Variants in DZIP1L observed in about 807,000 individuals in gnomAD.
The protein encoded by DZIP1L is cilium assembly protein DZIP1L.
A neutral mutation model predicts 88.7 loss-of-function variants in DZIP1L; 90 were observed. That is an observed-to-expected ratio of 1.02 (90% CI 0.86 to 1.21). The LOEUF is 1.21. Ranked by LOEUF, DZIP1L falls within the 50% of genes most tolerant of loss-of-function variation. The pLI is 0.00. For missense variants in DZIP1L, 932 were observed against 955.8 expected, an observed-to-expected ratio of 0.98 and a Z score of 0.33; for synonymous variants, 363 against 372.1, an observed-to-expected ratio of 0.98 and a Z score of 0.28.
chr3:138,093,735 T>C (rs1368533098), intron 4 of DZIP1L, among the ~76,000 whole-genome samples: 1 of 152,224 alleles, frequency 6.6e-6, no homozygotes, highest in East Asian at 1.9e-4. Context: ...TGAACCAATC[T>C]CTTTTAGCTT....
chr3:138,114,260 GC>G (rs2042658518), intron 1 of DZIP1L, among the ~76,000 whole-genome samples: 1 of 152,174 alleles, frequency 6.6e-6, no homozygotes, highest in Non-Finnish European at 1.5e-5. Flanking sequence ...TTTGAGTTGA[GC>G]AAAAAACCTT....
At position 138,088,400 on chromosome 3, in the gene DZIP1L, C is replaced by T; in HGVS notation, c.978G>A (p.Leu326=). 6.2e-7 allele frequency: 1 copy of T among 1,613,136 alleles called. No homozygotes were observed. Among genetic ancestry groups the T allele is most frequent in the Non-Finnish European group, 8.5e-7 (1 of 1,179,580 alleles). ...WLRQARELQA[L]REKTEIQKTE... The stretch of plus-strand genomic sequence containing the variant: ...TCACCTGAATTTCTGTCTTCTCTCT[C>T]AGGGCCTGAAGCTCCCGTGCCTGCC... The change falls in exon 6 of 16, where the codon CTG becomes CTA. Residue 326 remains leucine, a synonymous_variant. Transcript: ENST00000327532.
chr3:138,076,136 G>A (rs1943396820), intron 11 of DZIP1L, among the ~76,000 whole-genome samples: 1 of 152,168 alleles, frequency 6.6e-6, no homozygotes, highest in Admixed American at 6.5e-5. Context: ...GTCCTTAAAT[G>A]AGGAGGGAGC....
At position 138,092,521 on chromosome 3, in the gene DZIP1L, C is replaced by A; in HGVS notation, c.732G>T (p.Arg244Ser). ...QLQEAELIHQ[R>S]EIEAKKEFDK... ...CAAATTCTTTCTTAGCTTCTATTTC[C>A]CTCTGATGAATGAGCTCTGCTTCCT... The change falls in exon 5 of 16, where the codon AGG becomes AGT. Residue 244 changes from arginine to serine, a missense_variant. Arg to Ser is a moderately radical substitution (Grantham distance 110, BLOSUM62 -1). Transcript: ENST00000327532. 6.3e-7 allele frequency: 1 copy of A among 1,593,906 alleles called. No homozygotes were observed. Among genetic ancestry groups the A allele is most frequent in the Non-Finnish European group, 8.5e-7 (1 of 1,173,968 alleles).
In DZIP1L at chr3:138,101,159, A is replaced by G. The variant is rs565801461; in HGVS notation, c.501+2312T>C. On this transcript the variant is annotated intron_variant, in intron 2 of 15. Transcript: ENST00000327532. The stretch of plus-strand genomic sequence containing the variant: ...ATACTCATCCTTACATACACTCTCC[A>G]TAAGTACAAACACACACTCTTACAC... 4.7e-4 allele frequency among the ~76,000 whole-genome samples: 72 copies of G among 151,612 alleles called. 2 individuals are homozygous for G. The South Asian group carries it at 0.015, about 31-fold the overall frequency.
At chr3:138,104,421 C>T (rs2042419251) in intron 1 of DZIP1L, among the ~76,000 whole-genome samples, 1 of 152,268 alleles carries the variant, frequency 6.6e-6, no homozygotes, top group Non-Finnish European at 1.5e-5. Flanking sequence ...ACCTCCACTG[C>T]AGGAATGCCT....
At chr3:138,070,119 T>C (rs749182683) in intron 12 of DZIP1L, among the ~76,000 whole-genome samples, 2 of 152,090 alleles carry the variant, frequency 1.3e-5, no homozygotes, top group Non-Finnish European at 2.9e-5. Flanking sequence ...GTTTTTCCAT[T>C]CATCCTCCCC....
chr3:138,097,022 A>C (rs936381692), intron 3 of DZIP1L, among the ~76,000 whole-genome samples: 2 of 151,988 alleles, frequency 1.3e-5, no homozygotes, highest in African/African-American at 2.4e-5. Context: ...TCTATGAAAA[A>C]TTTTTAAAAT....
chr3:138,101,206 T>TCA (rs1157354138), intron 2 of DZIP1L, among the ~76,000 whole-genome samples: 6 of 147,710 alleles, frequency 4.1e-5, no homozygotes, highest in Non-Finnish European at 5.9e-5. Context: ...CTTCATTCAT[T>TCA]CACACACACA....
At chr3:138,112,165 T>C (rs1049197147) in intron 1 of DZIP1L, among the ~76,000 whole-genome samples, 2 of 152,192 alleles carry the variant, frequency 1.3e-5, no homozygotes, top group Admixed American at 6.5e-5. Flanking sequence ...TAGATGGCTA[T>C]GGTTCGTCTC....
chr3:138,069,604 G>A (rs1943080425), intron 12 of DZIP1L, among the ~76,000 whole-genome samples: 2 of 152,198 alleles, frequency 1.3e-5, no homozygotes, highest in Admixed American at 1.3e-4. Context: ...TCCCATGACT[G>A]TGTACCAGAT....
rs756723997 is a variant in DZIP1L at position 138,088,389 on chromosome 3, G to A, written c.989C>T (p.Thr330Ile). The change falls in exon 6 of 16, where the codon ACA (threonine) becomes ATA (isoleucine). Residue 330 changes from threonine (T) to isoleucine (I), a missense_variant. Thr to Ile is a moderately conservative substitution (Grantham distance 89). Transcript: ENST00000327532. ...ARELQALREK[T>I]EIQKTEWKRK... Reference sequence around the variant, plus strand: ...GGAGCATCAGCTCACCTGAATTTCTGTCTTCTCTCTCAGGGCCTGAAGCTC... The same window carrying A: ...GGAGCATCAGCTCACCTGAATTTCTATCTTCTCTCTCAGGGCCTGAAGCTC... 6.2e-7 allele frequency: 1 copy of A among 1,612,000 alleles called. No homozygotes were observed. Among genetic ancestry groups the A allele is most frequent in the Non-Finnish European group, 8.5e-7 (1 of 1,179,114 alleles).
At chr3:138,091,068 C>G (rs1227368366) in intron 5 of DZIP1L, among the ~76,000 whole-genome samples, 1 of 151,634 alleles carries the variant, frequency 6.6e-6, no homozygotes, top group Non-Finnish European at 1.5e-5. Context: ...ATTTTCAGTA[C>G]AGACAGGGTT....
intron 1 of DZIP1L, among the ~76,000 whole-genome samples, chr3:138,109,989 T>A (rs775350059): frequency 6.6e-6 from 1 of 152,064 alleles, no homozygotes; most frequent in Non-Finnish European, 1.5e-5. Context: ...AAAACCTAGA[T>A]GACGGGTTCA....
At chr3:138,088,657 C>T in intron 5 of DZIP1L, 150 bp from the exon 6 acceptor site, 1 of 1,304,250 alleles carries the variant, frequency 7.7e-7, no homozygotes, top group South Asian at 2.5e-5. Flanking sequence ...CAGATATTCA[C>T]ACAAATCAGC....
intron 1 of DZIP1L, among the ~76,000 whole-genome samples, chr3:138,114,673 G>C (rs1184843709): frequency 1.3e-5 from 2 of 152,244 alleles, no homozygotes; most frequent in Admixed American, 6.5e-5. Flanking sequence ...AGACCAGGCA[G>C]GGGCAGCCTA....
chr3:138,088,641 C>T (rs1245871387), intron 5 of DZIP1L, 134 bp from the exon 6 acceptor site: 4 of 1,350,322 alleles, frequency 3.0e-6, no homozygotes. Flanking sequence ...GATACCTACT[C>T]ACCTACAGAT....
chr3:138,079,270 T>A (rs80236578), intron 10 of DZIP1L, among the ~76,000 whole-genome samples: 1,835 of 152,290 alleles, frequency 0.012, 41 homozygotes, highest in African/African-American at 0.041. Flanking sequence ...ATGTGATTCA[T>A]CCTATCTGAG....
chr3:138,077,770 C>T, intron 10 of DZIP1L, 138 bp from the exon 11 acceptor site: 1 of 1,264,152 alleles, frequency 7.9e-7, no homozygotes. Context: ...GCACTTGAGC[C>T]CTTAAAGCAG....
Sources: allele counts gnomAD v4.1 joint callset (sites outside exome capture counted in the v4.1 genomes callset), GRCh38; gene constraint gnomAD v4.1.1; transcripts MANE v1.5; gene names NCBI Gene and HGNC (gene_info 2026-07-23, HGNC 2026-07-21).